Variants in TFF1 observed in about 807,000 individuals in gnomAD.
TFF1 encodes the protein breast cancer estrogen-inducible protein.
A neutral mutation model predicts 7.7 loss-of-function variants in TFF1; 8 were observed. The observed-to-expected ratio is 1.04, with a 90% confidence interval of 0.61 to 1.87. The LOEUF is 1.87. TFF1 is among the 40% of genes most tolerant of loss of function. TFF1 has a pLI of 0.00. For missense variants in TFF1, 120 were observed against 113.4 expected (o/e 1.06, Z -0.26); for synonymous variants, 47 against 44.8 (o/e 1.05, Z -0.19).
intron 1 of TFF1, among the ~76,000 whole-genome samples, chr21:42,364,694 C>G (rs543517497): frequency 6.6e-6 from 1 of 152,318 alleles, no homozygotes; most frequent in South Asian, 2.1e-4. Flanking sequence ...GGAACTCAGT[C>G]TGGCCACACT....
intron 1 of TFF1, 142 bp from the exon 2 acceptor site, chr21:42,363,549 G>T: frequency 9.3e-7 from 1 of 1,077,430 alleles, no homozygotes; most frequent in Non-Finnish European, 1.3e-6. Flanking sequence ...GGACATGAGA[G>T]GGAGACGTGG....
At chr21:42,363,125 G>A (rs1323612029) in intron 2 of TFF1, 130 bp downstream of exon 2, 3 of 1,208,592 alleles carry the variant, frequency 2.5e-6, no homozygotes, top group Non-Finnish European at 3.5e-6. Context: ...CTACCCCATT[G>A]CACCACCACT....
intron 2 of TFF1, 113 bp from the exon 3 acceptor site, chr21:42,362,608 T>C (rs2052246697): frequency 7.7e-7 from 1 of 1,294,998 alleles, no homozygotes; most frequent in Non-Finnish European, 1.0e-6. Flanking sequence ...GCACATTCTT[T>C]AGAAAACATG....
chr21:42,365,958 A>G (rs1419174739), intron 1 of TFF1, among the ~76,000 whole-genome samples: 1 of 152,064 alleles, frequency 6.6e-6, no homozygotes, highest in Non-Finnish European at 1.5e-5. Flanking sequence ...CACCACTGGG[A>G]CGGGCATTCG....
intron 1 of TFF1, among the ~76,000 whole-genome samples, chr21:42,363,718 A>G (rs2052258313): frequency 1.3e-5 from 2 of 152,230 alleles, no homozygotes; most frequent in South Asian, 4.1e-4. Flanking sequence ...ACTGAGCACC[A>G]TTTGTGTGCA....
At position 42,366,465 on chromosome 21, in the gene TFF1, C is replaced by T. The variant is rs111401209; in HGVS notation, c.31G>A (p.Ala11Thr). The change falls in exon 1 of 3, where the codon GCC (alanine) becomes ACC (threonine). Residue 11 changes from alanine (A) to threonine (T), a missense_variant. Physicochemically the swap from Ala to Thr is moderately conservative, Grantham distance 58. Coordinates refer to ENST00000291527, the MANE Select transcript of TFF1 (RefSeq NM_003225.3). ...GCCAGCATGGACACCAGGACCAGGG[C>T]GCAGATCACCTTGTTCTCCATGGTG... MATMENKVIC[A>T]LVLVSMLALG... 383 of 1,612,852 alleles carry T rather than the reference C, an allele frequency of 2.4e-4. 1 individual carries two copies. The African/African-American group carries it at 4.3e-3, about 18-fold the overall frequency.
intron 2 of TFF1, among the ~76,000 whole-genome samples, chr21:42,362,864 A>G (rs1454025755): frequency 6.7e-6 from 1 of 148,180 alleles, no homozygotes; most frequent in Non-Finnish European, 1.5e-5. Context: ...GCACCATTGC[A>G]CTCCAGCTCA....
chr21:42,365,640 A>C (rs895484787), intron 1 of TFF1, among the ~76,000 whole-genome samples: 1 of 152,158 alleles, frequency 6.6e-6, no homozygotes, highest in Admixed American at 6.5e-5. Context: ...ACGGCAAATA[A>C]GTTATTCAGC....
Position 42,366,524 on chromosome 21 carries a change from C to G in TFF1, c.-29G>C, listed in dbSNP as rs145185427. ...CTCCTCTCTGCTCCAAAGGCGACCCCGAGTCAGGGATGAGAGGCCGCCCGA... is the reference window on the plus strand; with the variant it reads ...CTCCTCTCTGCTCCAAAGGCGACCCGGAGTCAGGGATGAGAGGCCGCCCGA... On this transcript the variant is annotated 5_prime_UTR_variant, in exon 1 of 3. Transcript: ENST00000291527. 5 of 1,591,832 alleles carry G rather than the reference C, an allele frequency of 3.1e-6. No homozygotes were observed. The African/African-American group carries it at 5.4e-5, about 17-fold the overall frequency.
rs377111345 is a variant in TFF1, at chr21:42,363,403, C to T, written c.90G>A (p.Thr30=). The change falls in exon 2 of 3, where the codon ACG becomes ACA. Residue 30 remains threonine (T), a synonymous_variant. Transcript: ENST00000291527. The part of the protein sequence containing the change: ...LGTLAEAQTE[T]CTVAPRERQN... ...GTCTTTCACGGGGGGCCACTGTACA[C>T]GTCTCTGAAAGTGCACAGGTAAGAA... The T allele has an allele frequency of 3.5e-5, 57 of 1,613,662 alleles. 1 individual carries two copies. Among genetic ancestry groups the T allele is most frequent in the South Asian group, 1.1e-4 (10 of 91,024 alleles).
At chr21:42,365,831 A>G (rs547471232) in intron 1 of TFF1, among the ~76,000 whole-genome samples, 1 of 152,268 alleles carries the variant, frequency 6.6e-6, no homozygotes, top group East Asian at 1.9e-4. Flanking sequence ...GATCCACTTG[A>G]CAACACCAGG....
At position 42,362,711 on chromosome 21, in the gene TFF1, C is replaced by T. The variant is rs937997722; in HGVS notation, c.239-216G>A. On this transcript the variant is annotated intron_variant, in intron 2 of 2. Transcript: ENST00000291527. ...TCACCTGAGGTCAAGAGTTCAAGACCGGTCTGGCCAACATGGTGAAACCCC... is the reference window on the plus strand; with the variant it reads ...TCACCTGAGGTCAAGAGTTCAAGACTGGTCTGGCCAACATGGTGAAACCCC... 6.6e-4 allele frequency among the ~76,000 whole-genome samples: 101 copies of T among 152,078 alleles called. 1 individual carries two copies. The highest frequency in any genetic ancestry group is 2.4e-3 in the African/African-American group (100 of 41,400).
At chr21:42,366,224 G>A (rs4920094) in intron 1 of TFF1, among the ~76,000 whole-genome samples, 187 bp downstream of exon 1, 54,074 of 152,034 alleles carry the variant, frequency 0.36, 10,381 homozygotes, top group East Asian at 0.68. Flanking sequence ...GTCTCCGGGG[G>A]CCCTGCCACC....
Position 42,362,510 on chromosome 21 carries a change from G to A in TFF1, c.239-15C>T. 1.3e-6 allele frequency: 2 copies of A among 1,576,876 alleles called. No homozygotes were observed. Among genetic ancestry groups the A allele is most frequent in the Non-Finnish European group, 1.7e-6 (2 of 1,162,462 alleles). On this transcript the variant is annotated splice_polypyrimidine_tract_variant and intron_variant, in intron 2 of 2. Transcript: ENST00000291527. ...TTCACACTCCTCTACAGGGGTGAGG[G>A]GGAGGGAGAAAGAGATGCTTTAGTG...
At position 42,366,457 on chromosome 21, in the gene TFF1, G is replaced by A. The variant is rs2052280319; in HGVS notation, c.39C>T (p.Val13=). 6.2e-7 allele frequency: 1 copy of A among 1,612,922 alleles called. No individual in the cohort carries two copies. The highest frequency in any genetic ancestry group is 8.5e-7 in the Non-Finnish European group (1 of 1,179,236). The change falls in exon 1 of 3, where the codon GTC becomes GTT. Residue 13 remains valine (V), a synonymous_variant. Transcript: ENST00000291527. ...TMENKVICAL[V]LVSMLALGTL... is the part of the protein sequence containing the mutation. ...TGCCGAGGGCCAGCATGGACACCAG[G>A]ACCAGGGCGCAGATCACCTTGTTCT...
At chr21:42,363,230 A>G in intron 2 of TFF1, 25 bp downstream of exon 2, 1 of 1,614,088 alleles carries the variant, frequency 6.2e-7, no homozygotes. Context: ...AAATCTTCAG[A>G]ACCCATCGTA....
At position 42,362,532 on chromosome 21, in the gene TFF1, AG is replaced by A. The variant is rs762015691; in HGVS notation, c.239-38del. 34 of 1,552,026 alleles carry A rather than the reference AG, an allele frequency of 2.2e-5. No individual in the cohort carries two copies. The African/African-American group carries it at 4.4e-4, about 20-fold the overall frequency. ...AGGGGGAGGGAGAAAGAGATGCTTTAGTGAGGATAAACATTTTCTTTCACAT... is the reference window on the plus strand; with the variant it reads ...AGGGGGAGGGAGAAAGAGATGCTTTATGAGGATAAACATTTTCTTTCACAT... On this transcript the variant is annotated intron_variant, in intron 2 of 2. Coordinates refer to ENST00000291527, the MANE Select transcript of TFF1 (RefSeq NM_003225.3).
In TFF1 at chr21:42,363,387, G is replaced by T; in HGVS notation, c.106C>A (p.Arg36Ser). ...GGAAAACCACAATTCTGTCTTTCAC[G>T]GGGGGCCACTGTACACGTCTCTGAA... ...AQTETCTVAP[R>S]ERQNCGFPGV... Residue 36 changes from arginine to serine, a missense_variant, in exon 2 of 3, where the codon CGT becomes AGT. Physicochemically the swap from Arg to Ser is moderately radical, Grantham distance 110 (BLOSUM62 -1). Transcript: ENST00000291527. The T allele has an allele frequency of 6.2e-7, 1 of 1,614,028 alleles. No individual in the cohort carries two copies. Among genetic ancestry groups the T allele is most frequent in the East Asian group, 2.2e-5 (1 of 44,872 alleles).
At chr21:42,364,868 C>T (rs1467964571) in intron 1 of TFF1, among the ~76,000 whole-genome samples, 1 of 152,196 alleles carries the variant, frequency 6.6e-6, no homozygotes, top group Non-Finnish European at 1.5e-5. Context: ...GGAACCTTGC[C>T]CTCCTGGGGT....
Sources: allele counts gnomAD v4.1 joint callset (sites outside exome capture counted in the v4.1 genomes callset), GRCh38; gene constraint gnomAD v4.1.1; transcripts MANE v1.5; gene names NCBI Gene and HGNC (gene_info 2026-07-23, HGNC 2026-07-21).